The following ANK3 variants were observed in gnomAD, a reference collection of about 807,000 sequenced individuals.
ANK3 encodes ankyrin-3.
In ANK3, 57 loss-of-function variants were observed where a neutral mutation model predicts 370.9. The ratio of observed to expected loss-of-function variants is 0.15; its 90% CI spans 0.12 to 0.19. ANK3 has a LOEUF of 0.19. Ranked by LOEUF, ANK3 falls within the 10% of genes least tolerant of loss-of-function variation. The probability of loss-of-function intolerance (pLI) is 1.00; values close to 1 mark genes in which losing one functional copy is unlikely to be tolerated. For missense variants in ANK3, 4,439 were observed against 5,302.1 expected, an observed-to-expected ratio of 0.84 and a Z score of 5.06; for synonymous variants, 1,929 against 1,946.3, an observed-to-expected ratio of 0.99 and a Z score of 0.23.
chr10:60,714,964 A>G (rs1440659705), intron 1 of ANK3, among the ~76,000 whole-genome samples: 1 of 152,196 alleles, frequency 6.6e-6, no homozygotes, highest in Non-Finnish European at 1.5e-5. Flanking sequence ...AAAAGTGAAC[A>G]CTGATGTAAA....
intron 2 of ANK3, among the ~76,000 whole-genome samples, chr10:60,605,388 T>C (rs1052136361): frequency 6.6e-6 from 1 of 151,928 alleles, no homozygotes; most frequent in Admixed American, 6.6e-5. Flanking sequence ...GGCAGGGAGT[T>C]TGAGACCGGC....
chr10:60,546,318 G>T (rs1377191057), intron 2 of ANK3, among the ~76,000 whole-genome samples: 1 of 152,200 alleles, frequency 6.6e-6, no homozygotes, highest in Non-Finnish European at 1.5e-5. Context: ...TTATAGGCGT[G>T]AGCCATGGTG....
rs758133164 is a variant in ANK3 at position 60,075,585 on chromosome 10, C to T, written c.5296G>A (p.Val1766Met). ...GGCATTGCAGTCGTGGTAGAAAACA[C>T]TTTCTCAACTGTGTCAGTGGCTGCA... ...VSAATDTVEK[V>M]FSTTTAMPFS... Residue 1766 changes from valine to methionine, a missense_variant, in exon 37 of 44, where the codon GTG becomes ATG. Around this residue, in one of 13 missense-constraint regions of ANK3, gnomAD observed 679 missense variants for 791.0 expected, o/e 0.86. Transcript: ENST00000280772. The T allele has an allele frequency of 6.2e-7, 1 of 1,614,108 alleles. No homozygotes were observed. The highest frequency in any genetic ancestry group is 8.5e-7 in the Non-Finnish European group (1 of 1,180,016).
chr10:60,032,605 A>G (rs927912199), intron 43 of ANK3, among the ~76,000 whole-genome samples: 62 of 152,252 alleles, frequency 4.1e-4, no homozygotes, highest in African/African-American at 1.5e-3. Context: ...TTAATTTCGT[A>G]ATGAGTAGCA....
intron 1 of ANK3, among the ~76,000 whole-genome samples, chr10:60,351,190 G>A (rs2056787767): frequency 6.6e-6 from 1 of 152,132 alleles, no homozygotes; most frequent in Non-Finnish European, 1.5e-5. Flanking sequence ...GACTGAGAAA[G>A]TTTTGCTCCC....
intron 23 of ANK3, among the ~76,000 whole-genome samples, chr10:60,149,325 T>C (rs1265426832): frequency 6.6e-6 from 1 of 152,136 alleles, no homozygotes; most frequent in Non-Finnish European, 1.5e-5. Context: ...CACTGTTGTG[T>C]TCTCTGAGCT....
intron 8 of ANK3, among the ~76,000 whole-genome samples, chr10:60,223,714 A>G (rs974251948): frequency 1.3e-5 from 2 of 152,194 alleles, no homozygotes; most frequent in African/African-American, 4.8e-5. Context: ...CTATTAAAAT[A>G]CCTTATTTTT....
intron 2 of ANK3, among the ~76,000 whole-genome samples, chr10:60,570,374 AG>A (rs1399197499): frequency 1.3e-5 from 2 of 152,188 alleles, no homozygotes; most frequent in Non-Finnish European, 2.9e-5. Context: ...ACTTCCAACT[AG>A]GGAGAATCAA....
chr10:60,595,231 T>C (rs909397399), intron 2 of ANK3, among the ~76,000 whole-genome samples: 1 of 152,052 alleles, frequency 6.6e-6, no homozygotes, highest in African/African-American at 2.4e-5. Flanking sequence ...AGAATTGCAA[T>C]AGTGAAAGTT....
intron 1 of ANK3, among the ~76,000 whole-genome samples, chr10:60,321,119 G>T (rs901243104): frequency 6.6e-6 from 1 of 152,156 alleles, no homozygotes; most frequent in South Asian, 2.1e-4. Context: ...GGCTGGGCAT[G>T]GTGGCTCACA....
At chr10:60,694,602 TAAAGA>T (rs1280480824) in intron 1 of ANK3, among the ~76,000 whole-genome samples, 7 of 152,114 alleles carry the variant, frequency 4.6e-5, no homozygotes, top group Non-Finnish European at 8.8e-5. Context: ...TCAACATTCT[TAAAGA>T]AAAGAATTTT....
intron 1 of ANK3, among the ~76,000 whole-genome samples, chr10:60,299,147 T>C (rs2043163226): frequency 6.6e-6 from 1 of 152,178 alleles, no homozygotes; most frequent in Non-Finnish European, 1.5e-5. Context: ...ACTCTTTCTC[T>C]GAGACACACA....
intron 2 of ANK3, among the ~76,000 whole-genome samples, chr10:60,514,998 G>A (rs962558770): frequency 1.3e-5 from 2 of 151,916 alleles, no homozygotes; most frequent in African/African-American, 4.8e-5. Context: ...ATATACTATT[G>A]CCAAAATTTA....
At position 60,084,638 on chromosome 10, in the gene ANK3, C is replaced by T; in HGVS notation, c.4038G>A (p.Glu1346=). The T allele has an allele frequency of 6.2e-7, 1 of 1,613,946 alleles. No homozygotes were observed. Among genetic ancestry groups the T allele is most frequent in the South Asian group, 1.1e-5 (1 of 91,032 alleles). Reference sequence around the variant, plus strand: ...TGCTTCTTGCGACTTCCTCAAAATTCTCTTGTTGCTCTAAAGTTTTGTCCA... The same window carrying T: ...TGCTTCTTGCGACTTCCTCAAAATTTTCTTGTTGCTCTAAAGTTTTGTCCA... ...DKVDKTLEQQ[E]NFEEVARSKD... is the part of the protein sequence containing the mutation. The change falls in exon 32 of 44, where the codon GAG becomes GAA. Residue 1346 remains glutamate (E), a synonymous_variant. Coordinates refer to ENST00000280772, the MANE Select transcript of ANK3 (RefSeq NM_020987.5).
chr10:60,308,094 G>A (rs2045544854), intron 1 of ANK3, among the ~76,000 whole-genome samples: 2 of 152,178 alleles, frequency 1.3e-5, no homozygotes, highest in Non-Finnish European at 2.9e-5. Flanking sequence ...GAGCCTGTAA[G>A]AGGGCAAATG....
chr10:60,083,722 G>T, intron 32 of ANK3, 105 bp from the exon 33 acceptor site: 1 of 965,912 alleles, frequency 1.0e-6, no homozygotes, highest in Non-Finnish European at 1.5e-6. Flanking sequence ...TATGTTACAC[G>T]TGTCTCTATT....
chr10:60,321,754 T>C (rs1487430854), intron 1 of ANK3, among the ~76,000 whole-genome samples: 1 of 152,234 alleles, frequency 6.6e-6, no homozygotes, highest in Non-Finnish European at 1.5e-5. Context: ...GCAGAGCCCA[T>C]TCTCTAACCA....
intron 25 of ANK3, among the ~76,000 whole-genome samples, chr10:60,122,631 T>C (rs1482002324): frequency 1.3e-5 from 2 of 152,240 alleles, no homozygotes; most frequent in Non-Finnish European, 2.9e-5. Flanking sequence ...GGATGGTTGA[T>C]ATGGAGATAA....
At chr10:60,673,452 A>G (rs149847098) in intron 1 of ANK3, among the ~76,000 whole-genome samples, 6,184 of 152,044 alleles carry the variant, frequency 0.041, 159 homozygotes, top group Middle Eastern at 0.071. Context: ...CCAGGTTCAA[A>G]CTATTCTCCT....
Sources: allele counts gnomAD v4.1 joint callset (sites outside exome capture counted in the v4.1 genomes callset), GRCh38; gene constraint gnomAD v4.1.1; regional missense constraint gnomAD v4.1.1; transcripts MANE v1.5; gene names NCBI Gene and HGNC (gene_info 2026-07-23, HGNC 2026-07-21).